The following ZNF682 variants were observed in gnomAD, a reference collection of about 807,000 sequenced individuals.
ZNF682 encodes the protein zinc finger protein 682.
Under a neutral mutation model 36.5 loss-of-function variants are expected in ZNF682, and 29 were observed. The ratio of observed to expected loss-of-function variants is 0.80; its 90% CI spans 0.59 to 1.08. The LOEUF (loss-of-function observed/expected upper bound fraction) is 1.08. ZNF682 is among the 50% of genes least tolerant of loss of function. ZNF682 has a pLI of 0.00. For missense variants in ZNF682, 561 were observed against 579.7 expected, an observed-to-expected ratio of 0.97 and a Z score of 0.33; for synonymous variants, 180 against 197.0, an observed-to-expected ratio of 0.91 and a Z score of 0.72.
At chr19:20,036,744 A>C (rs1002084540) in intron 1 of ZNF682, among the ~76,000 whole-genome samples, 8 of 144,888 alleles carry the variant, frequency 5.5e-5, no homozygotes, top group Admixed American at 2.1e-4. Flanking sequence ...AGGCAGGAGG[A>C]TCTCTTAAGG....
chr19:20,013,698 A>T (rs2088310178), intron 3 of ZNF682, among the ~76,000 whole-genome samples: 1 of 152,192 alleles, frequency 6.6e-6, no homozygotes, highest in Non-Finnish European at 1.5e-5. Flanking sequence ...CTCCTGCCTC[A>T]GCTTCCCTAG....
chr19:20,024,860 T>C (rs1412504694), intron 1 of ZNF682, among the ~76,000 whole-genome samples: 1 of 152,244 alleles, frequency 6.6e-6, no homozygotes, highest in Non-Finnish European at 1.5e-5. Flanking sequence ...CCAATGTAGA[T>C]ACTTTTCTAA....
In ZNF682 at chr19:20,036,606, CAAAAAAAAAAAAAAA is replaced by C. The variant is rs71172557; in HGVS notation, c.3+2722_3+2736del. Among the ~76,000 whole-genome samples, 168 of 71,460 alleles carry C rather than the reference CAAAAAAAAAAAAAAA, an allele frequency of 2.4e-3. 1 individual carries two copies. Among genetic ancestry groups the C allele is most frequent in the Non-Finnish European group, 5.2e-4 (20 of 38,630 alleles). The allele number at this position is 71,460 out of a possible 152,430, so 46.9% of individuals were successfully genotyped here. A position where few individuals can be genotyped will look rare whatever the true frequency, so the allele number is the denominator to read the frequency against. ...GGACAACAAGAGTGAAACTCCATCT[CAAAAAAAAAAAAAAA>C]AAAAAAAAGATTTACATATATTTTG... On this transcript the variant is annotated intron_variant, in intron 1 of 3. Coordinates refer to ENST00000397165, the MANE Select transcript of ZNF682 (RefSeq NM_033196.3).
chr19:20,003,638 G>C (rs1482121525), downstream of ZNF682, among the ~76,000 whole-genome samples: 1 of 151,750 alleles, frequency 6.6e-6, no homozygotes, highest in Non-Finnish European at 1.5e-5. Context: ...CTGGGAGGTG[G>C]AGCTTGCAGT....
intron 3 of ZNF682, among the ~76,000 whole-genome samples, chr19:20,016,900 C>T (rs1199527616): frequency 6.6e-6 from 1 of 151,998 alleles, no homozygotes; most frequent in African/African-American, 2.4e-5. Flanking sequence ...TTGCATAAAT[C>T]TGTTAATAGA....
chr19:20,009,355 G>A (rs2088261323), intron 3 of ZNF682, among the ~76,000 whole-genome samples: 1 of 152,070 alleles, frequency 6.6e-6, no homozygotes, highest in South Asian at 2.1e-4. Context: ...AAAAAACAAA[G>A]CTTCTGAGAA....
intron 3 of ZNF682, among the ~76,000 whole-genome samples, chr19:20,013,240 AAAG>A (rs2088305965): frequency 6.6e-6 from 1 of 152,070 alleles, no homozygotes; most frequent in Non-Finnish European, 1.5e-5. Flanking sequence ...CACAAGAGAC[AAAG>A]AAGGACATTA....
chr19:20,006,811 A>G lies in ZNF682; in HGVS notation c.691T>C (p.Cys231Arg), dbSNP rs747899829. ...RIHTGEKPYK[C>R]EECGKAFNWC... ...TTAAAAGCTTTGCCACATTCTTCAC[A>G]TTTGTATGGTTTCTCTCCAGTGTGA... The change falls in exon 4 of 4, where the codon TGT (cysteine) becomes CGT (arginine). Residue 231 changes from cysteine to arginine, a missense_variant. Transcript: ENST00000397165. 2 of 1,614,112 alleles carry G rather than the reference A, an allele frequency of 1.2e-6. No homozygotes were observed. Among genetic ancestry groups the G allele is most frequent in the East Asian group, 2.2e-5 (1 of 44,862 alleles).
In ZNF682 at chr19:20,039,481, G is replaced by A; in HGVS notation, c.-136C>T. 8.1e-7 allele frequency: 1 copy of A among 1,229,128 alleles called. No individual in the cohort carries two copies. Among genetic ancestry groups the A allele is most frequent in the Non-Finnish European group, 1.1e-6 (1 of 888,276 alleles). The allele number at this position is 1,229,128 out of a possible 1,614,324, so 76.1% of individuals were successfully genotyped here. A position where few individuals can be genotyped will look rare whatever the true frequency, so the allele number is the denominator to read the frequency against. ...ACTAAGCAATGAAGATGGACCCTGA[G>A]CTCTGGCTGGAGCGAGACAAAGGCC... On this transcript the variant is annotated 5_prime_UTR_variant, in exon 1 of 4. Coordinates refer to ENST00000397165, the MANE Select transcript of ZNF682 (RefSeq NM_033196.3).
intron 3 of ZNF682, among the ~76,000 whole-genome samples, chr19:19,997,974 C>G (rs1599597564): frequency 6.6e-6 from 1 of 152,176 alleles, no homozygotes; most frequent in South Asian, 2.1e-4. Context: ...TAACGATCCC[C>G]ATATTATCAA....
At chr19:20,034,645 T>C (rs1348972867) in intron 1 of ZNF682, among the ~76,000 whole-genome samples, 1 of 151,596 alleles carries the variant, frequency 6.6e-6, no homozygotes, top group African/African-American at 2.4e-5. Flanking sequence ...TGGTGGCGCA[T>C]GCCTGTAATC....
rs1049438342 is a variant in ZNF682 at position 20,005,666 on chromosome 19, T to G, written c.*339A>C. On this transcript the variant is annotated 3_prime_UTR_variant, in exon 4 of 4. Coordinates refer to ENST00000397165, the MANE Select transcript of ZNF682 (RefSeq NM_033196.3). ...AATGTATCACTATCATTACACCTTG[T>G]GTACTCTAAGGCTTTTATTTGGTGA... is the stretch of plus-strand genomic sequence containing the variant. 3 of 247,498 alleles carry G rather than the reference T, an allele frequency of 1.2e-5. No individual in the cohort carries two copies. The highest frequency in any genetic ancestry group is 2.3e-5 in the Non-Finnish European group (3 of 129,112). The allele number at this position is 247,498 out of a possible 1,614,324, so 15.3% of individuals were successfully genotyped here. A position where few individuals can be genotyped will look rare whatever the true frequency, so the allele number is the denominator to read the frequency against.
chr19:20,018,294 C>T (rs1251247910), intron 3 of ZNF682, among the ~76,000 whole-genome samples: 2 of 151,182 alleles, frequency 1.3e-5, no homozygotes, highest in African/African-American at 2.4e-5. Context: ...GGGGTTTCAC[C>T]GTTTTTAGCC....
At position 20,005,996 on chromosome 19, in the gene ZNF682, T is replaced by G; in HGVS notation, c.*9A>C. On this transcript the variant is annotated 3_prime_UTR_variant, in exon 4 of 4. Transcript: ENST00000397165. ...TTACATTTGTAGGATTTCTCTTTAG[T>G]AAAAATTCTTACGTAGTAAGGTTTG... is the stretch of plus-strand genomic sequence containing the variant. 1 of 1,559,614 alleles carries G rather than the reference T, an allele frequency of 6.4e-7. No homozygotes were observed. Among genetic ancestry groups the G allele is most frequent in the Non-Finnish European group, 8.7e-7 (1 of 1,155,068 alleles).
downstream of ZNF682, among the ~76,000 whole-genome samples, chr19:20,000,784 A>G (rs1159324000): frequency 6.6e-6 from 1 of 152,194 alleles, no homozygotes; most frequent in Non-Finnish European, 1.5e-5. Context: ...AAGGCAGGCA[A>G]TCAATCTTTT....
intron 1 of ZNF682, among the ~76,000 whole-genome samples, chr19:20,029,226 G>A (rs1230172194): frequency 1.3e-5 from 2 of 151,422 alleles, no homozygotes; most frequent in Non-Finnish European, 2.9e-5. Context: ...TGATCTGCCT[G>A]CGCCCCGGCC....
At chr19:20,038,465 C>A (rs750897634) in intron 1 of ZNF682, among the ~76,000 whole-genome samples, 16 of 152,010 alleles carry the variant, frequency 1.1e-4, no homozygotes, top group Non-Finnish European at 1.9e-4. Context: ...AACTGCAAGT[C>A]AGAGTTAGGC....
At chr19:20,039,227 C>A in intron 1 of ZNF682, 116 bp downstream of exon 1, 4 of 1,514,230 alleles carry the variant, frequency 2.6e-6, no homozygotes, top group Non-Finnish European at 3.5e-6. Flanking sequence ...GCCGGGGACT[C>A]CAGTCCGCAG....
intron 1 of ZNF682, 177 bp from the exon 2 acceptor site, chr19:20,024,553 T>C (rs1308454532): frequency 4.0e-6 from 3 of 758,116 alleles, no homozygotes; most frequent in African/African-American, 2.1e-5. Context: ...ACAGAATCCA[T>C]GTGGCCAGGT....
Sources: gnomAD v4.1 joint callset for allele counts (sites outside exome capture counted in the v4.1 genomes callset) on GRCh38, gnomAD v4.1.1 for gene constraint, MANE v1.5 for transcripts, NCBI Gene and HGNC (gene_info 2026-07-23, HGNC 2026-07-21) for gene names.